PAM: variants seen among roughly 807,000 people sequenced by gnomAD.
PAM encodes peptidylglycine alpha-amidating monooxygenase, also known as peptidyl-glycine alpha-amidating monooxygenase.
A neutral mutation model predicts 122.1 loss-of-function variants in PAM; 72 were observed. The ratio of observed to expected loss-of-function variants is 0.59; its 90% CI spans 0.49 to 0.72. The LOEUF is 0.72. PAM is among the 30% of genes least tolerant of loss of function. The pLI, the probability that PAM is intolerant of heterozygous loss-of-function variation, is 0.00. For missense variants in PAM, 1,106 were observed against 1,183.7 expected, an observed-to-expected ratio of 0.93 and a Z score of 0.96; for synonymous variants, 389 against 404.4, an observed-to-expected ratio of 0.96 and a Z score of 0.46.
chr5:102,905,700 A>G (rs1314633101), intron 4 of PAM, among the ~76,000 whole-genome samples: 1 of 151,570 alleles, frequency 6.6e-6, no homozygotes, highest in African/African-American at 2.4e-5. Flanking sequence ...CTGTGTATGT[A>G]TGCATATGTG....
intron 23 of PAM, among the ~76,000 whole-genome samples, chr5:103,020,750 A>G (rs1280891334): frequency 1.3e-5 from 2 of 152,156 alleles, no homozygotes; most frequent in Non-Finnish European, 2.9e-5. Flanking sequence ...TTCTTTTCTC[A>G]TCAAAGCAGC....
chr5:102,795,159 C>T (rs924179555), intron 1 of PAM, among the ~76,000 whole-genome samples: 2 of 130,422 alleles, frequency 1.5e-5, no homozygotes, highest in African/African-American at 6.0e-5. Flanking sequence ...CACTGCACTC[C>T]AGCCAGGGTG....
intron 3 of PAM, among the ~76,000 whole-genome samples, chr5:102,897,064 T>A (rs1040378492): frequency 1.4e-4 from 21 of 151,762 alleles, no homozygotes; most frequent in Admixed American, 1.1e-3. Context: ...AATTTTCCAA[T>A]TATTTTCTTC....
At chr5:102,782,476 A>G (rs1454089414) in intron 1 of PAM, among the ~76,000 whole-genome samples, 1 of 152,242 alleles carries the variant, frequency 6.6e-6, no homozygotes, top group Non-Finnish European at 1.5e-5. Flanking sequence ...GAGGAGAAGG[A>G]AAAAACTTGG....
chr5:103,009,769 A>G lies in PAM; in HGVS notation c.2234A>G (p.Asn745Ser), dbSNP rs1208283399. ...SYIPGLLFAV[N>S]GKPHFGDQEP... ...GTTGCAGGCTTGCTCTTTGCAGTGAATGGGAAGCCTCATTTTGGGGACCAA... is the reference window on the plus strand; with the variant it reads ...GTTGCAGGCTTGCTCTTTGCAGTGAGTGGGAAGCCTCATTTTGGGGACCAA... The change falls in exon 21 of 26, where the codon AAT becomes AGT. Residue 745 changes from asparagine to serine, a missense_variant. By Grantham distance (46) the Asn-to-Ser change is conservative. Transcript: ENST00000438793. The G allele has an allele frequency of 6.2e-7, 1 of 1,609,092 alleles. No individual in the cohort carries two copies. Among genetic ancestry groups the G allele is most frequent in the Non-Finnish European group, 8.5e-7 (1 of 1,175,614 alleles).
At chr5:102,935,735 G>A (rs574468236) in intron 7 of PAM, among the ~76,000 whole-genome samples, 1 of 152,144 alleles carries the variant, frequency 6.6e-6, no homozygotes, top group South Asian at 2.1e-4. Context: ...TCCTTATAAT[G>A]TTTCATTTAA....
intron 3 of PAM, among the ~76,000 whole-genome samples, chr5:102,877,848 A>G (rs986981862): frequency 1.3e-5 from 2 of 151,996 alleles, no homozygotes; most frequent in South Asian, 4.1e-4. Context: ...GGCAACATGG[A>G]GAGATCCCCA....
intron 1 of PAM, among the ~76,000 whole-genome samples, chr5:102,801,893 C>T (rs529447080): frequency 6.7e-6 from 1 of 150,034 alleles, no homozygotes; most frequent in African/African-American, 2.5e-5. Context: ...ATTCTCCTGC[C>T]TCAGCCTCCC....
intron 22 of PAM, among the ~76,000 whole-genome samples, chr5:103,018,104 C>G (rs2288389): frequency 0.25 from 37,986 of 151,880 alleles, 5,253 homozygotes; most frequent in East Asian, 0.44. Context: ...TGAAGTGTAC[C>G]AAATGCTTGA....
In PAM at chr5:102,914,024, A is replaced by G. The variant is rs375354962; in HGVS notation, c.356+3A>G. 52 of 1,494,534 alleles carry G rather than the reference A, an allele frequency of 3.5e-5. No individual in the cohort carries two copies. Among genetic ancestry groups the G allele is most frequent in the Non-Finnish European group, 4.8e-5 (51 of 1,071,286 alleles). 92.6% of individuals were successfully genotyped at this position (1,494,534 alleles called of 1,614,324 possible). ...CCTTCATCCACTGGAAGTTACTGGT[A>G]AGGATAATGGGTTTACAGTATAGAA... On this transcript the variant is annotated splice_donor_region_variant and intron_variant, in intron 5 of 25. Transcript: ENST00000438793.
chr5:102,924,834 C>A, intron 5 of PAM, 123 bp from the exon 6 acceptor site: 1 of 627,572 alleles, frequency 1.6e-6, no homozygotes, highest in African/African-American at 1.8e-5. Flanking sequence ...TAATATCATG[C>A]AATGATGATA....
intron 16 of PAM, among the ~76,000 whole-genome samples, chr5:102,995,974 A>G (rs969462260): frequency 6.6e-5 from 10 of 151,816 alleles, no homozygotes; most frequent in African/African-American, 2.2e-4. Flanking sequence ...TAGCTTCTTA[A>G]TTTATATAAT....
intron 12 of PAM, among the ~76,000 whole-genome samples, chr5:102,954,531 T>C (rs1259910082): frequency 6.6e-6 from 1 of 151,676 alleles, no homozygotes; most frequent in African/African-American, 2.4e-5. Context: ...ATATATTATA[T>C]TTATTTTTAA....
chr5:102,817,726 A>G (rs1245519428), intron 1 of PAM, among the ~76,000 whole-genome samples: 1 of 84,100 alleles, frequency 1.2e-5, no homozygotes, highest in African/African-American at 4.1e-5. Flanking sequence ...TTCTTCCAAA[A>G]CATGTTATCA....
chr5:102,918,089 C>T (rs1414973655), intron 5 of PAM, among the ~76,000 whole-genome samples: 1 of 152,044 alleles, frequency 6.6e-6, no homozygotes, highest in African/African-American at 2.4e-5. Flanking sequence ...GCCTAGTGCT[C>T]AATTCCAAAT....
At chr5:102,901,670 G>A (rs984032966) in intron 4 of PAM, among the ~76,000 whole-genome samples, 2 of 151,496 alleles carry the variant, frequency 1.3e-5, no homozygotes, top group Non-Finnish European at 3.0e-5. Context: ...AATACTGTGT[G>A]GTCCCATTTG....
intron 13 of PAM, among the ~76,000 whole-genome samples, chr5:102,960,451 A>G (rs1403193250): frequency 6.6e-6 from 1 of 152,064 alleles, no homozygotes; most frequent in African/African-American, 2.4e-5. Flanking sequence ...GAAAATGGTT[A>G]TCATCTCCAG....
At chr5:102,837,277 G>A (rs1011910814) in intron 1 of PAM, among the ~76,000 whole-genome samples, 1 of 152,120 alleles carries the variant, frequency 6.6e-6, no homozygotes, top group African/African-American at 2.4e-5. Context: ...ATTTGCTTCA[G>A]TTATAGGCCT....
chr5:102,861,543 T>C (rs955579254), intron 1 of PAM, among the ~76,000 whole-genome samples: 1 of 152,198 alleles, frequency 6.6e-6, no homozygotes, highest in Non-Finnish European at 1.5e-5. Context: ...ACTGGAGATA[T>C]GACAGCTCTC....
Sources: gnomAD v4.1 joint callset for allele counts (sites outside exome capture counted in the v4.1 genomes callset) on GRCh38, gnomAD v4.1.1 for gene constraint, MANE v1.5 for transcripts, NCBI Gene and HGNC (gene_info 2026-07-23, HGNC 2026-07-21) for gene names.